The following NBEA variants were observed in gnomAD, a reference collection of about 807,000 sequenced individuals.
NBEA encodes lysosomal-trafficking regulator 2.
Under a neutral mutation model 343.4 loss-of-function variants are expected in NBEA, and 44 were observed. That is an observed-to-expected ratio of 0.13 (90% CI 0.10 to 0.16). NBEA has a LOEUF of 0.16. NBEA is among the 10% of genes least tolerant of loss of function. The probability of loss-of-function intolerance (pLI) is 1.00; values close to 1 mark genes in which losing one functional copy is unlikely to be tolerated. For missense variants in NBEA, 2,555 were observed against 3,631.3 expected, an observed-to-expected ratio of 0.70 and a Z score of 7.62; for synonymous variants, 1,175 against 1,238.7, an observed-to-expected ratio of 0.95 and a Z score of 1.08.
intron 41 of NBEA, chr13:35,475,611 G>A (rs769204536): frequency 2.5e-6 from 4 of 1,613,626 alleles, no homozygotes; most frequent in African/African-American, 1.3e-5. Context: ...AGATCCCGGT[G>A]CATTTAAAGG....
intron 4 of NBEA, among the ~76,000 whole-genome samples, chr13:35,047,200 A>ATT (rs2062887244): frequency 1.5e-5 from 2 of 137,172 alleles, no homozygotes; most frequent in African/African-American, 5.6e-5. Flanking sequence ...TTCATTTGAA[A>ATT]TTGTGTGTGT....
At chr13:35,602,745 G>C (rs879556520) in intron 47 of NBEA, among the ~76,000 whole-genome samples, 1 of 152,136 alleles carries the variant, frequency 6.6e-6, no homozygotes, top group African/African-American at 2.4e-5. Flanking sequence ...TGTCCTGAAG[G>C]CCCTGGTAAC....
At chr13:35,109,233 A>G in intron 11 of NBEA, 57 bp from the exon 12 acceptor site, 1 of 1,445,400 alleles carries the variant, frequency 6.9e-7, no homozygotes, top group Admixed American at 2.4e-5. Flanking sequence ...TAAATCAGAA[A>G]TTATACAATT....
intron 33 of NBEA, among the ~76,000 whole-genome samples, chr13:35,215,765 T>A (rs936835013): frequency 1.4e-4 from 21 of 151,704 alleles, no homozygotes; most frequent in Admixed American, 1.4e-3. Flanking sequence ...AGCTTTAGTA[T>A]TATTTATCCT....
chr13:35,428,571 T>G (rs951683648), intron 38 of NBEA, among the ~76,000 whole-genome samples: 9 of 152,224 alleles, frequency 5.9e-5, no homozygotes, highest in African/African-American at 2.2e-4. Flanking sequence ...TGGTTCTTCT[T>G]TACATCTTCT....
At chr13:35,588,864 A>G (rs927699249) in intron 46 of NBEA, among the ~76,000 whole-genome samples, 1 of 152,138 alleles carries the variant, frequency 6.6e-6, no homozygotes, top group Non-Finnish European at 1.5e-5. Context: ...TTCAAAACTC[A>G]TTCGTCAAAC....
chr13:35,288,198 G>C (rs184537734), intron 34 of NBEA, among the ~76,000 whole-genome samples: 157 of 152,006 alleles, frequency 1.0e-3, no homozygotes, highest in African/African-American at 3.7e-3. Flanking sequence ...GTTACTTATA[G>C]CATCAGTCAG....
intron 18 of NBEA, among the ~76,000 whole-genome samples, chr13:35,143,552 A>C (rs1219991081): frequency 6.6e-6 from 1 of 152,222 alleles, no homozygotes; most frequent in Admixed American, 6.5e-5. Flanking sequence ...TGCTAAGAGA[A>C]GACTTACAGG....
intron 36 of NBEA, among the ~76,000 whole-genome samples, chr13:35,311,197 C>T (rs1021810326): frequency 6.6e-6 from 1 of 152,002 alleles, no homozygotes; most frequent in South Asian, 2.1e-4. Context: ...AATTATTATC[C>T]GTTTTCAGGT....
Position 35,159,778 on chromosome 13 carries a change from A to G in NBEA, c.3607A>G (p.Ile1203Val), listed in dbSNP as rs747445534. Residue 1203 changes from isoleucine (I) to valine (V), a missense_variant, in exon 22 of 59, where the codon ATA (isoleucine) becomes GTA (valine). This residue lies in a region of NBEA where 367 missense variants were observed against 377.5 expected (regional missense o/e 0.97). Coordinates refer to ENST00000379939, the MANE Select transcript of NBEA (RefSeq NM_001385012.1). ...SVDLTCTSSIIEEKEFKIHTT... is the reference protein window; with the variant it reads ...SVDLTCTSSIVEEKEFKIHTT... ...AGACTTAACTTGTACATCCAGTATA[A>G]TAGAAGAAAAAGAATTCAAAATCCA... The G allele has an allele frequency of 4.3e-6, 7 of 1,612,796 alleles. No homozygotes were observed. The highest frequency in any genetic ancestry group is 1.3e-5 in the African/African-American group (1 of 74,906).
At chr13:35,517,152 A>G (rs367851692) in intron 41 of NBEA, among the ~76,000 whole-genome samples, 8 of 152,150 alleles carry the variant, frequency 5.3e-5, no homozygotes, top group South Asian at 4.2e-4. Flanking sequence ...TTTGACACTG[A>G]GCTTCCGAAA....
intron 33 of NBEA, among the ~76,000 whole-genome samples, chr13:35,211,429 T>C (rs567902323): frequency 3.5e-4 from 53 of 152,326 alleles, no homozygotes; most frequent in Admixed American, 5.9e-4. Context: ...TGTCATTTAG[T>C]GCATGTTACT....
intron 35 of NBEA, among the ~76,000 whole-genome samples, chr13:35,294,603 AT>A (rs2036000083): frequency 6.6e-6 from 1 of 152,150 alleles, no homozygotes; most frequent in Non-Finnish European, 1.5e-5. Flanking sequence ...TTTTTTAAAC[AT>A]TTTAATGGTT....
chr13:35,014,026 CT>C (rs1320779778), intron 1 of NBEA, among the ~76,000 whole-genome samples: 1 of 152,056 alleles, frequency 6.6e-6, no homozygotes. Flanking sequence ...TTATTATTTG[CT>C]GCTTTTAATT....
chr13:35,481,606 T>G (rs2076124126), intron 41 of NBEA, among the ~76,000 whole-genome samples: 1 of 151,876 alleles, frequency 6.6e-6, no homozygotes, highest in Non-Finnish European at 1.5e-5. Flanking sequence ...TGGATTCCAA[T>G]AGTCTAATTT....
intron 48 of NBEA, among the ~76,000 whole-genome samples, chr13:35,622,463 A>T (rs2153061661): frequency 6.6e-6 from 1 of 152,302 alleles, no homozygotes; most frequent in East Asian, 1.9e-4. Flanking sequence ...ACCCATGTGG[A>T]GAGCTGTGAG....
Position 35,211,110 on chromosome 13 carries a change from C to T in NBEA, c.5579C>T (p.Ala1860Val), listed in dbSNP as rs190026755. 3 of 1,552,004 alleles carry T rather than the reference C, an allele frequency of 1.9e-6. No individual in the cohort carries two copies. The East Asian group carries it at 7.3e-5, about 38-fold the overall frequency. The change falls in exon 33 of 59, where the codon GCT becomes GTT. Residue 1860 changes from alanine to valine, a missense_variant. Transcript: ENST00000379939. ...SSSSSSFVNGATSKNLPAVQT... is the reference protein window; with the variant it reads ...SSSSSSFVNGVTSKNLPAVQT... Reference sequence around the variant, plus strand: ...TCCTCTTCTAGTTTTGTGAATGGTGCTACTAGCAAAAACCTTCCAGCTGTA... The same window carrying T: ...TCCTCTTCTAGTTTTGTGAATGGTGTTACTAGCAAAAACCTTCCAGCTGTA...
intron 33 of NBEA, among the ~76,000 whole-genome samples, chr13:35,219,346 C>A (rs759475210): frequency 6.6e-6 from 1 of 151,932 alleles, no homozygotes; most frequent in African/African-American, 2.4e-5. Flanking sequence ...TGTTTGTTTC[C>A]TTAGTGCAGT....
intron 1 of NBEA, among the ~76,000 whole-genome samples, chr13:34,943,392 G>A (rs997597853): frequency 6.6e-6 from 1 of 152,046 alleles, no homozygotes; most frequent in Non-Finnish European, 1.5e-5. Flanking sequence ...GAGTAACCCA[G>A]TACCCGCGGT....
Sources: allele counts gnomAD v4.1 joint callset (sites outside exome capture counted in the v4.1 genomes callset), GRCh38; gene constraint gnomAD v4.1.1; regional missense constraint gnomAD v4.1.1; transcripts MANE v1.5; gene names NCBI Gene and HGNC (gene_info 2026-07-23, HGNC 2026-07-21).